Variants in PMP22 observed in about 807,000 individuals in gnomAD.
PMP22 encodes the protein Charcot-Marie-Tooth neuropathy 1A (greatly reduced nerve conduction velocity, hereditary motor sensory neuropathy Ia).
A neutral mutation model predicts 18.9 loss-of-function variants in PMP22; 2 were observed. The ratio of observed to expected loss-of-function variants is 0.11; its 90% confidence interval spans 0.04 to 0.33. The LOEUF (loss-of-function observed/expected upper bound fraction) is 0.33. PMP22 is among the 10% of genes least tolerant of loss of function. The pLI is 1.00. For synonymous variants in PMP22, 95 were observed against 89.2 expected (o/e 1.07, Z -0.37); for missense variants, 169 against 202.2 (o/e 0.84, Z 1.00).
chr17:15,231,622 A>G (rs1298966289), intron 4 of PMP22, among the ~76,000 whole-genome samples: 5 of 152,188 alleles, frequency 3.3e-5, no homozygotes, highest in African/African-American at 1.2e-4. Context: ...AGGTGAAGCA[A>G]GCAATGCCTA....
chr17:15,248,727 T>C (rs1378128006), intron 3 of PMP22, among the ~76,000 whole-genome samples: 2 of 152,218 alleles, frequency 1.3e-5, no homozygotes, highest in Non-Finnish European at 2.9e-5. Flanking sequence ...GAGTGCATTG[T>C]ACGATGAAGG....
intron 4 of PMP22, among the ~76,000 whole-genome samples, chr17:15,233,637 G>T (rs1906542040): frequency 6.6e-6 from 1 of 152,328 alleles, no homozygotes; most frequent in South Asian, 2.1e-4. Flanking sequence ...AACATTTAAT[G>T]AGTGCCTATT....
chr17:15,238,373 A>G (rs1906988599), intron 4 of PMP22, among the ~76,000 whole-genome samples: 1 of 152,144 alleles, frequency 6.6e-6, no homozygotes, highest in South Asian at 2.1e-4. Context: ...CAACCTTCCA[A>G]TGACTGCTCC....
At position 15,264,670 on chromosome 17, in the gene PMP22, G is replaced by C. The variant is rs1236389257; in HGVS notation, c.-35+484C>G. ...AGCCACACCATATACTGCCAGACAG[G>C]TAAACCCAACCCATCTGTCCCTCAC... On this transcript the variant is annotated intron_variant, in intron 1 of 4. Transcript: ENST00000312280. Among the ~76,000 whole-genome samples, 6 of 152,134 alleles carry C rather than the reference G, an allele frequency of 3.9e-5. No homozygotes were observed. The South Asian group carries it at 1.2e-3, about 31-fold the overall frequency.
chr17:15,247,067 C>CAAAAAAAAAAAAA (rs144096552), intron 3 of PMP22, among the ~76,000 whole-genome samples: 1 of 69,110 alleles, frequency 1.4e-5, no homozygotes. Context: ...AGACTCGTCT[C>CAAAAAAAAAAAAA]AAAAAAAAAA....
chr17:15,241,728 T>C (rs2150680175), intron 3 of PMP22, among the ~76,000 whole-genome samples: 1 of 152,308 alleles, frequency 6.6e-6, no homozygotes. Context: ...CCCAACCCCA[T>C]TACAATTGAG....
chr17:15,260,967 C>T (rs1003843158), intron 1 of PMP22: 5 of 331,634 alleles, frequency 1.5e-5, no homozygotes, highest in Non-Finnish European at 2.7e-5. Flanking sequence ...CAGTGCCCAG[C>T]GCCCAGCCGG....
chr17:15,257,877 C>T lies in PMP22; in HGVS notation c.178+1217G>A, dbSNP rs546244970. Among the ~76,000 whole-genome samples the T allele has an allele frequency of 9.2e-5, 14 of 152,218 alleles. No homozygotes were observed. The South Asian group carries it at 2.5e-3, about 27-fold the overall frequency. On this transcript the variant is annotated intron_variant, in intron 3 of 4. Transcript: ENST00000312280. ...TGCGTATCTTCTCCATGTAAATTAC[C>T]AAATTATTATTTTAGCAGTTTCTAT...
intron 3 of PMP22, among the ~76,000 whole-genome samples, chr17:15,256,018 G>A (rs1276397465): frequency 6.6e-6 from 1 of 152,136 alleles, no homozygotes; most frequent in Non-Finnish European, 1.5e-5. Context: ...ATATCATAAC[G>A]AATATCCCCA....
At chr17:15,237,921 C>T (rs955720888) in intron 4 of PMP22, among the ~76,000 whole-genome samples, 2 of 151,842 alleles carry the variant, frequency 1.3e-5, no homozygotes, top group Non-Finnish European at 1.5e-5. Context: ...GTTCTAAATC[C>T]ATATTATCTT....
chr17:15,248,634 A>T (rs1908045845), intron 3 of PMP22, among the ~76,000 whole-genome samples: 1 of 151,932 alleles, frequency 6.6e-6, no homozygotes, highest in African/African-American at 2.4e-5. Context: ...AAACTCTAGA[A>T]ACAGGGAAAC....
chr17:15,246,655 C>T (rs1168684147), intron 3 of PMP22, among the ~76,000 whole-genome samples: 2 of 152,214 alleles, frequency 1.3e-5, no homozygotes, highest in Admixed American at 1.3e-4. Flanking sequence ...ATGTTGAGTA[C>T]CTGCTGTCCT....
intron 4 of PMP22, chr17:15,232,687 A>G (rs926659274): frequency 2.0e-5 from 3 of 152,300 alleles, no homozygotes; most frequent in Non-Finnish European, 4.4e-5. Flanking sequence ...GACAACACTT[A>G]TCATCATGCA....
intron 3 of PMP22, among the ~76,000 whole-genome samples, chr17:15,246,550 A>G (rs1188199562): frequency 1.3e-5 from 2 of 152,228 alleles, no homozygotes; most frequent in Non-Finnish European, 2.9e-5. Context: ...CAACATCCCA[A>G]GTGGCTAAAC....
chr17:15,242,602 G>A (rs747415307), intron 3 of PMP22, among the ~76,000 whole-genome samples: 4 of 152,026 alleles, frequency 2.6e-5, no homozygotes, highest in Non-Finnish European at 5.9e-5. Flanking sequence ...AGAAGAAATT[G>A]TTAAAATCAC....
At chr17:15,264,937 C>T (rs1478878590) in intron 1 of PMP22, among the ~76,000 whole-genome samples, 1 of 152,146 alleles carries the variant, frequency 6.6e-6, no homozygotes, top group Non-Finnish European at 1.5e-5. Context: ...TTTCTAGATG[C>T]TCTCAGATGG....
intron 2 of PMP22, 116 bp from the exon 3 acceptor site, chr17:15,259,309 C>T (rs923661745): frequency 3.0e-5 from 24 of 792,604 alleles, no homozygotes; most frequent in Non-Finnish European, 5.3e-5. Context: ...AGCCACACCG[C>T]CCACCCCTGC....
intron 3 of PMP22, among the ~76,000 whole-genome samples, chr17:15,252,295 T>G (rs1211541942): frequency 1.3e-5 from 2 of 152,052 alleles, no homozygotes; most frequent in African/African-American, 4.8e-5. Context: ...AGGGCTCAGG[T>G]TGGGGGCTGC....
intron 3 of PMP22, among the ~76,000 whole-genome samples, chr17:15,244,709 C>T (rs768191093): frequency 4.6e-5 from 7 of 152,046 alleles, no homozygotes; most frequent in Non-Finnish European, 8.8e-5. Flanking sequence ...AAAACAAACA[C>T]CAAAAAACTA....
Sources: gnomAD v4.1 joint callset for allele counts (sites outside exome capture counted in the v4.1 genomes callset) on GRCh38, gnomAD v4.1.1 for gene constraint, MANE v1.5 for transcripts, NCBI Gene and HGNC (gene_info 2026-07-23, HGNC 2026-07-21) for gene names.